SEC61A2: variants seen among roughly 807,000 people sequenced by gnomAD.
The protein encoded by SEC61A2 is SEC61 translocon subunit alpha 2.
SEC61A2 carries 28 observed loss-of-function variants against 59.9 expected under a neutral mutation model. The observed-to-expected ratio is 0.47, with a 90% CI of 0.35 to 0.64. The LOEUF (loss-of-function observed/expected upper bound fraction) is 0.64, where lower values mean the gene tolerates loss of function less well. Among genes scored for constraint, SEC61A2 ranks in the 30% least tolerant of loss-of-function variants. The probability of loss-of-function intolerance (pLI) is 0.01; values close to 1 mark genes in which losing one functional copy is unlikely to be tolerated. For missense variants in SEC61A2, 340 were observed against 585.9 expected, an observed-to-expected ratio of 0.58 and a Z score of 4.33; for synonymous variants, 202 against 214.4, an observed-to-expected ratio of 0.94 and a Z score of 0.50.
rs545317285 is a variant in SEC61A2 at position 12,161,574 on chromosome 10, C to T, written c.1167+453C>T. 6.6e-6 allele frequency among the ~76,000 whole-genome samples: 1 copy of T among 152,226 alleles called. No homozygotes were observed. Among genetic ancestry groups the T allele is most frequent in the South Asian group, 2.1e-4 (1 of 4,824 alleles). On this transcript the variant is annotated intron_variant, in intron 10 of 11. Transcript: ENST00000298428. The surrounding 1 kb of genome is among the most constrained non-coding windows in gnomAD (Gnocchi z 5.4). ...TGGTCAGCATGGTAAAACCCTTTCT[C>T]TACTAAAAATACAAAAATTAGCTGG... is the stretch of plus-strand genomic sequence containing the variant.
At position 12,155,181 on chromosome 10, in the gene SEC61A2, G is replaced by A; in HGVS notation, c.463-597G>A. ...ATTTACATTCAATCTTTGTCACTAT[G>A]TGTATAGAATGCATTTTTACATTGC... On this transcript the variant is annotated intron_variant, in intron 6 of 11. Coordinates refer to ENST00000298428, the MANE Select transcript of SEC61A2 (RefSeq NM_018144.4). The surrounding 1 kb of genome is among the most constrained non-coding windows in gnomAD (Gnocchi z 4.3). 1 of 473,390 alleles carries A rather than the reference G, an allele frequency of 2.1e-6. No individual in the cohort carries two copies. The highest frequency in any genetic ancestry group is 3.4e-6 in the Non-Finnish European group (1 of 296,252). The allele number at this position is 473,390 out of a possible 1,614,324, so 29.3% of individuals were successfully genotyped here.
At chr10:12,148,538 C>A (rs1834198713) in intron 4 of SEC61A2, among the ~76,000 whole-genome samples, 1 of 151,612 alleles carries the variant, frequency 6.6e-6, no homozygotes, top group African/African-American at 2.4e-5. Context: ...AGCCACCACA[C>A]CCGGCTTTTT....
chr10:12,136,068 G>T, intron 2 of SEC61A2, 37 bp from the exon 3 acceptor site: 2 of 1,467,866 alleles, frequency 1.4e-6, no homozygotes, highest in Non-Finnish European at 1.9e-6. Context: ...GCTGTTTCTT[G>T]GTTTTGATTG....
intron 11 of SEC61A2, among the ~76,000 whole-genome samples, chr10:12,163,564 C>T (rs1254457935): frequency 1.3e-5 from 2 of 152,012 alleles, no homozygotes; most frequent in East Asian, 1.9e-4. Flanking sequence ...TCTAATCATC[C>T]ACCCGCCTTG....
rs1461708667 is a variant in SEC61A2 at position 12,156,248 on chromosome 10, G to A, written c.616+317G>A. 6.6e-6 allele frequency among the ~76,000 whole-genome samples: 1 copy of A among 152,310 alleles called. No individual in the cohort carries two copies. Among genetic ancestry groups the A allele is most frequent in the African/African-American group, 2.4e-5 (1 of 41,556 alleles). On this transcript the variant is annotated intron_variant, in intron 7 of 11. Transcript: ENST00000298428. The surrounding 1 kb of genome is among the most constrained non-coding windows in gnomAD (Gnocchi z 5.2). ...ATTTGACTGATTTCAGCATCCGTAG[G>A]GGGATAAAAAGGTAGTGGATTTTAG...
chr10:12,166,672 T>A, downstream of SEC61A2: 1 of 491,432 alleles, frequency 2.0e-6, no homozygotes, highest in South Asian at 1.5e-5. Context: ...TAGGGCTGGA[T>A]GAGAATCATC....
At position 12,153,600 on chromosome 10, in the gene SEC61A2, T is replaced by G; in HGVS notation, c.463-2178T>G. On this transcript the variant is annotated intron_variant, in intron 6 of 11. Coordinates refer to ENST00000298428, the MANE Select transcript of SEC61A2 (RefSeq NM_018144.4). This position sits in a 1 kb window ranked among gnomAD's most constrained non-coding sequence, Gnocchi z 5.2. Reference sequence around the variant, plus strand: ...CAGTCCAAGAATGAAACAAGTGAAGTGGATGTACACTGATTCATTTACATG... The same window carrying G: ...CAGTCCAAGAATGAAACAAGTGAAGGGGATGTACACTGATTCATTTACATG... 1.2e-6 allele frequency: 1 copy of G among 830,454 alleles called. No homozygotes were observed. Among genetic ancestry groups the G allele is most frequent in the Middle Eastern group, 2.8e-4 (1 of 3,542 alleles). 51.4% of individuals were successfully genotyped at this position (830,454 alleles called of 1,614,324 possible).
rs545969921 is a variant in SEC61A2 at position 12,137,031 on chromosome 10, G to C, written c.141+861G>C. ...TCTACCTGCCTCAGCCTCCCAAATT[G>C]CTGGGATTACAGGCGTGAGCCACCA... On this transcript the variant is annotated intron_variant, in intron 3 of 11. Coordinates refer to ENST00000298428, the MANE Select transcript of SEC61A2 (RefSeq NM_018144.4). 1.2e-4 allele frequency among the ~76,000 whole-genome samples: 19 copies of C among 152,268 alleles called. No individual in the cohort carries two copies. The South Asian group carries it at 3.7e-3, about 30-fold the overall frequency.
intron 4 of SEC61A2, among the ~76,000 whole-genome samples, chr10:12,144,746 G>T (rs779490670): frequency 6.6e-6 from 1 of 152,154 alleles, no homozygotes; most frequent in East Asian, 1.9e-4. Context: ...TGTGCTTGGT[G>T]TGTTCAAAGA....
At chr10:12,135,571 A>G (rs1016485719) in intron 2 of SEC61A2, among the ~76,000 whole-genome samples, 1 of 152,172 alleles carries the variant, frequency 6.6e-6, no homozygotes, top group Non-Finnish European at 1.5e-5. Flanking sequence ...GATAACGTTC[A>G]TTGTACCCAT....
Position 12,149,727 on chromosome 10 carries a change from G to T in SEC61A2, c.352+1G>T. The T allele has an allele frequency of 6.2e-7, 1 of 1,609,838 alleles. No homozygotes were observed. The highest frequency in any genetic ancestry group is 8.5e-7 in the Non-Finnish European group (1 of 1,178,854). On this transcript the variant is annotated splice_donor_variant, in intron 5 of 11. Transcript: ENST00000298428. LOFTEE classifies it high-confidence loss of function. The surrounding 1 kb of genome is among the most constrained non-coding windows in gnomAD (Gnocchi z 5.2). ...GCTTTATTCAATGGAGCCCAGAAAC[G>T]TGAGCATTAATGCAATTAAAGAGCA...
chr10:12,140,054 G>A lies in SEC61A2; in HGVS notation c.142-3063G>A, dbSNP rs61848308. ...GAGAGCTGCTCCAGGGGTGTGGGCA[G>A]TGAGCTTTTGTAGCAGAAGTAAAGA... On this transcript the variant is annotated intron_variant, in intron 3 of 11. Coordinates refer to ENST00000298428, the MANE Select transcript of SEC61A2 (RefSeq NM_018144.4). Among the ~76,000 whole-genome samples the A allele has an allele frequency of 8.8e-3, 1,343 of 152,164 alleles. 12 individuals are homozygous for A. Among genetic ancestry groups the A allele is most frequent in the Non-Finnish European group, 0.016 (1,077 of 68,002 alleles).
intron 2 of SEC61A2, among the ~76,000 whole-genome samples, chr10:12,134,107 C>T (rs372106316): frequency 2.6e-5 from 4 of 152,172 alleles, no homozygotes; most frequent in East Asian, 1.9e-4. Flanking sequence ...CCCGGGTTCA[C>T]GCCATTCTCC....
At position 12,156,293 on chromosome 10, in the gene SEC61A2, T is replaced by G. The variant is rs763333175; in HGVS notation, c.616+362T>G. Among the ~76,000 whole-genome samples, 26 of 152,246 alleles carry G rather than the reference T, an allele frequency of 1.7e-4. No individual in the cohort carries two copies. Among genetic ancestry groups the G allele is most frequent in the African/African-American group, 6.3e-4 (26 of 41,464 alleles). On this transcript the variant is annotated intron_variant, in intron 7 of 11. Coordinates refer to ENST00000298428, the MANE Select transcript of SEC61A2 (RefSeq NM_018144.4). The surrounding 1 kb of genome is among the most constrained non-coding windows in gnomAD (Gnocchi z 5.2). ...TTTTAGATTTTTCAAATGAAAAGAC[T>G]GTTGTTCATTGAATCCACCTGGAGC...
At position 12,162,638 on chromosome 10, in the gene SEC61A2, T is replaced by C. The variant is rs1484502118; in HGVS notation, c.1244+349T>C. Among the ~76,000 whole-genome samples, 1 of 152,236 alleles carries C rather than the reference T, an allele frequency of 6.6e-6. No individual in the cohort carries two copies. The highest frequency in any genetic ancestry group is 2.4e-5 in the African/African-American group (1 of 41,458). The stretch of plus-strand genomic sequence containing the variant: ...AGTTCCAGGCATCAGGGTTTTATTT[T>C]TTGGTAACAGCTTTATTGAGATAAA... On this transcript the variant is annotated intron_variant, in intron 11 of 11. Transcript: ENST00000298428. The surrounding 1 kb of genome is among the most constrained non-coding windows in gnomAD (Gnocchi z 6.1).
At position 12,143,221 on chromosome 10, in the gene SEC61A2, A is replaced by T. The variant is rs766104413; in HGVS notation, c.220+26A>T. ...GTATGCGTGTCTTTTCTGTCTCCAC[A>T]CTCCTACTCACAGCAAACAGATGGA... is the stretch of plus-strand genomic sequence containing the variant. On this transcript the variant is annotated intron_variant, in intron 4 of 11. Coordinates refer to ENST00000298428, the MANE Select transcript of SEC61A2 (RefSeq NM_018144.4). This position sits in a 1 kb window ranked among gnomAD's most constrained non-coding sequence, Gnocchi z 4.8. 6.9e-7 allele frequency: 1 copy of T among 1,454,916 alleles called. No individual in the cohort carries two copies. Among genetic ancestry groups the T allele is most frequent in the Non-Finnish European group, 9.7e-7 (1 of 1,035,114 alleles). The allele number at this position is 1,454,916 out of a possible 1,614,324, so 90.1% of individuals were successfully genotyped here.
At chr10:12,168,257 C>T (rs1044097200), downstream of SEC61A2, among the ~76,000 whole-genome samples, 2 of 152,086 alleles carry the variant, frequency 1.3e-5, no homozygotes, top group Non-Finnish European at 2.9e-5. This position sits in a 1 kb window ranked among gnomAD's most constrained non-coding sequence, Gnocchi z 4.8. Context: ...ATCTCCTGAC[C>T]TCGTGATCCA....
At chr10:12,167,933 T>C (rs1453586805), downstream of SEC61A2, 6 of 1,444,982 alleles carry the variant, frequency 4.2e-6, no homozygotes, top group Non-Finnish European at 5.4e-6. Context: ...ATGCTGGTGA[T>C]AACGTTTTTT....
rs1301230311 is a variant in SEC61A2, at chr10:12,143,280, A to G, written c.220+85A>G. The G allele has an allele frequency of 2.1e-6, 2 of 955,958 alleles. No individual in the cohort carries two copies. Among genetic ancestry groups the G allele is most frequent in the East Asian group, 2.4e-5 (1 of 41,746 alleles). The allele number at this position is 955,958 out of a possible 1,614,324, so 59.2% of individuals were successfully genotyped here. A position where few individuals can be genotyped will look rare whatever the true frequency, so the allele number is the denominator to read the frequency against. On this transcript the variant is annotated intron_variant, in intron 4 of 11. Transcript: ENST00000298428. The surrounding 1 kb of genome is among the most constrained non-coding windows in gnomAD (Gnocchi z 4.8). ...GATTAGCAATGAGTTTTCAATGTCT[A>G]CAGGGAGGGGGAGGATATCATTGCC...
Sources: gnomAD v4.1 joint callset for allele counts (sites outside exome capture counted in the v4.1 genomes callset) on GRCh38, gnomAD v4.1.1 for gene constraint, Gnocchi (gnomAD v3.1) non-coding constraint, MANE v1.5 for transcripts, NCBI Gene and HGNC (gene_info 2026-07-23, HGNC 2026-07-21) for gene names.